SSH1: variants seen among roughly 807,000 people sequenced by gnomAD.
SSH1 encodes slingshot protein phosphatase 1, also known as protein phosphatase Slingshot homolog 1.
Under a neutral mutation model 79.7 loss-of-function variants are expected in SSH1, and 43 were observed. The observed-to-expected ratio is 0.54, with a 90% CI of 0.42 to 0.70. The LOEUF (loss-of-function observed/expected upper bound fraction) is 0.70, where lower values mean the gene tolerates loss of function less well. Among genes scored for constraint, SSH1 ranks in the 30% least tolerant of loss-of-function variants. The probability of loss-of-function intolerance (pLI) is 0.00; values close to 1 mark genes in which losing one functional copy is unlikely to be tolerated. For synonymous variants in SSH1, 599 were observed against 538.3 expected, an observed-to-expected ratio of 1.11 and a Z score of -1.56; for missense variants, 1,206 against 1,358.8, an observed-to-expected ratio of 0.89 and a Z score of 1.77.
chr12:108,832,571 T>C (rs2038500264), intron 2 of SSH1, among the ~76,000 whole-genome samples: 1 of 152,096 alleles, frequency 6.6e-6, no homozygotes, highest in African/African-American at 2.4e-5. Context: ...CCTAGCAAAG[T>C]GAAGTTGATA....
intron 3 of SSH1, 132 bp downstream of exon 3, chr12:108,823,126 G>A: frequency 1.2e-6 from 1 of 823,376 alleles, no homozygotes; most frequent in Non-Finnish European, 2.0e-6. Flanking sequence ...GCCTCTGCCT[G>A]CACTGGTCAC....
intron 2 of SSH1, among the ~76,000 whole-genome samples, chr12:108,824,518 CTTAGTCAA>C (rs1289192012): frequency 2.0e-5 from 3 of 151,786 alleles, no homozygotes; most frequent in Middle Eastern, 3.2e-3. Context: ...TGTGATTTAA[CTTAGTCAA>C]GGTTGTCCTG....
chr12:108,848,388 AAGAG>A (rs923058979), intron 2 of SSH1, among the ~76,000 whole-genome samples: 10 of 152,132 alleles, frequency 6.6e-5, no homozygotes, highest in African/African-American at 2.4e-4. Flanking sequence ...GAGGGGAGAA[AAGAG>A]AGAGAAATAC....
At chr12:108,813,542 A>T (rs935843379) in intron 5 of SSH1, among the ~76,000 whole-genome samples, 9 of 151,208 alleles carry the variant, frequency 6.0e-5, no homozygotes, top group Middle Eastern at 3.4e-3. Context: ...TGATTTTTTT[A>T]AAAATTATAT....
At chr12:108,818,217 T>G in intron 4 of SSH1, 32 bp downstream of exon 4, 1 of 1,604,006 alleles carries the variant, frequency 6.2e-7, no homozygotes, top group Non-Finnish European at 8.5e-7. Flanking sequence ...TAAAAAAAAA[T>G]TTTTTAACTT....
intron 2 of SSH1, chr12:108,827,306 GC>G: frequency 6.4e-7 from 1 of 1,551,252 alleles, no homozygotes; most frequent in South Asian, 1.2e-5. Context: ...CAGTGGGTTG[GC>G]TGAAGGAAGA....
At chr12:108,846,070 G>GGT (rs1192791383) in intron 2 of SSH1, among the ~76,000 whole-genome samples, 4 of 152,154 alleles carry the variant, frequency 2.6e-5, no homozygotes, top group African/African-American at 9.7e-5. Context: ...GGGAGAATGG[G>GGT]GTCCCTGGGG....
rs1192115818 is a variant in SSH1, at chr12:108,803,230, G to A, written c.955-862C>T. Among the ~76,000 whole-genome samples the A allele has an allele frequency of 1.6e-4, 25 of 152,174 alleles. 1 individual carries two copies. The highest frequency in any genetic ancestry group is 1.4e-3 in the Admixed American group (22 of 15,292). ...GGACTACCTCTGGATTTGCGAGATC[G>A]GGAATGCTTTTTTCTTCTTTAGATT... is the stretch of plus-strand genomic sequence containing the variant. On this transcript the variant is annotated intron_variant, in intron 10 of 14. Coordinates refer to ENST00000326495, the MANE Select transcript of SSH1 (RefSeq NM_018984.4).
chr12:108,823,237 G>A (rs1383747880), intron 3 of SSH1, 21 bp downstream of exon 3: 1 of 1,554,012 alleles, frequency 6.4e-7, no homozygotes, highest in Non-Finnish European at 8.7e-7. Context: ...CAATGTAAGA[G>A]TATCAACTTA....
At chr12:108,789,302 A>C in intron 14 of SSH1, 58 bp from the exon 15 acceptor site, 1 of 1,540,792 alleles carries the variant, frequency 6.5e-7, no homozygotes. Flanking sequence ...CAAAGACCAA[A>C]AACATGAGGG....
At chr12:108,845,283 C>A (rs1459666540) in intron 2 of SSH1, among the ~76,000 whole-genome samples, 1 of 151,766 alleles carries the variant, frequency 6.6e-6, no homozygotes, top group Non-Finnish European at 1.5e-5. Flanking sequence ...GGGGTTCAGA[C>A]AAGACCTCAG....
chr12:108,817,897 A>G (rs1356230299), intron 4 of SSH1, among the ~76,000 whole-genome samples: 1 of 151,956 alleles, frequency 6.6e-6, no homozygotes, highest in Admixed American at 6.6e-5. Context: ...CAGGTTTCAC[A>G]ATTAAAAATT....
In SSH1 at chr12:108,807,961, A is replaced by C; in HGVS notation, c.537-134T>G. 1.2e-6 allele frequency: 1 copy of C among 826,798 alleles called. No individual in the cohort carries two copies. Among genetic ancestry groups the C allele is most frequent in the Non-Finnish European group, 2.0e-6 (1 of 510,240 alleles). The allele number at this position is 826,798 out of a possible 1,614,324, so 51.2% of individuals were successfully genotyped here. ...GGTTGATTATTTCTTTTTGGGACAG[A>C]GTCTCGCTCTGTCACTCCCAGGCTA... On this transcript the variant is annotated intron_variant, in intron 7 of 14. Coordinates refer to ENST00000326495, the MANE Select transcript of SSH1 (RefSeq NM_018984.4). This position sits in a 1 kb window ranked among gnomAD's most constrained non-coding sequence, Gnocchi z 5.2.
At chr12:108,793,985 G>C (rs887124765) in intron 13 of SSH1, among the ~76,000 whole-genome samples, 2 of 152,216 alleles carry the variant, frequency 1.3e-5, no homozygotes, top group Non-Finnish European at 2.9e-5. Context: ...GGCTCAGGGA[G>C]AGGTCAGTGA....
chr12:108,845,267 G>A (rs908857636), intron 2 of SSH1, among the ~76,000 whole-genome samples: 1 of 151,818 alleles, frequency 6.6e-6, no homozygotes, highest in Admixed American at 6.6e-5. Context: ...CTTAAAAGAG[G>A]ACCCTGGGGT....
At chr12:108,802,258 T>A in intron 11 of SSH1, 64 bp downstream of exon 11, 1 of 1,464,434 alleles carries the variant, frequency 6.8e-7, no homozygotes, top group Non-Finnish European at 9.6e-7. Context: ...TCCCCCTCCA[T>A]GGCAGAGTGG....
rs377483843 is a variant in SSH1 at position 108,845,679 on chromosome 12, C to T, written c.110+6959G>A. Among the ~76,000 whole-genome samples the T allele has an allele frequency of 4.6e-5, 7 of 152,272 alleles. 1 individual carries two copies. The highest frequency in any genetic ancestry group is 3.3e-4 in the Admixed American group (5 of 15,294). On this transcript the variant is annotated intron_variant, in intron 2 of 14. Transcript: ENST00000326495. ...TCTAGCCTGAGCAACGTGAGCGAAA[C>T]TCCATTTCAAATTTAAACAAAATAA...
chr12:108,798,866 G>T, intron 13 of SSH1, 134 bp downstream of exon 13: 1 of 973,522 alleles, frequency 1.0e-6, no homozygotes, highest in South Asian at 1.3e-5. Flanking sequence ...CCCCTGAGAG[G>T]CAGGATTTTG....
At chr12:108,855,058 T>C (rs1593141834) in intron 1 of SSH1, among the ~76,000 whole-genome samples, 1 of 152,164 alleles carries the variant, frequency 6.6e-6, no homozygotes. Context: ...TTGGTAAAAA[T>C]AATGCTTTAT....
Sources: gnomAD v4.1 joint callset for allele counts (sites outside exome capture counted in the v4.1 genomes callset) on GRCh38, gnomAD v4.1.1 for gene constraint, Gnocchi (gnomAD v3.1) non-coding constraint, MANE v1.5 for transcripts, NCBI Gene and HGNC (gene_info 2026-07-23, HGNC 2026-07-21) for gene names.